CSGALNACT1: variants seen among roughly 807,000 people sequenced by gnomAD.
CSGALNACT1 encodes beta4GalNAcT-1.
CSGALNACT1 carries 52 observed loss-of-function variants against 51.0 expected under a neutral mutation model. The observed-to-expected ratio is 1.02, with a 90% CI of 0.82 to 1.29. The LOEUF (loss-of-function observed/expected upper bound fraction) is 1.29, where lower values mean the gene tolerates loss of function less well. Ranked by LOEUF, CSGALNACT1 falls within the 50% of genes most tolerant of loss-of-function variation. The pLI is 0.00. For synonymous variants in CSGALNACT1, 341 were observed against 254.4 expected (o/e 1.34, Z -3.24); for missense variants, 935 against 679.2 (o/e 1.38, Z -4.19).
intron 1 of CSGALNACT1, among the ~76,000 whole-genome samples, chr8:19,671,609 G>A (rs918062274): frequency 2.6e-5 from 4 of 152,016 alleles, no homozygotes; most frequent in South Asian, 2.1e-4. Flanking sequence ...CTGCCCTCCC[G>A]CAACTTATAT....
rs144593660 is a variant in CSGALNACT1, at chr8:19,520,475, C to G, written c.-296-14345G>C. On this transcript the variant is annotated intron_variant, in intron 3 of 9. Transcript: ENST00000454498. ...GGAGTCCCTCACTCCTGGCGCCTGCCGCCAATCCTATCTTGTAGTCAGCAA... is the reference window on the plus strand; with the variant it reads ...GGAGTCCCTCACTCCTGGCGCCTGCGGCCAATCCTATCTTGTAGTCAGCAA... Among the ~76,000 whole-genome samples, 542 of 152,320 alleles carry G rather than the reference C, an allele frequency of 3.6e-3. 2 individuals carry two copies. Among genetic ancestry groups the G allele is most frequent in the African/African-American group, 0.013 (520 of 41,562 alleles).
rs781134539 is a variant in CSGALNACT1, at chr8:19,405,669, A to G, written c.*111T>C. 2.6e-5 allele frequency: 35 copies of G among 1,356,378 alleles called. No individual in the cohort carries two copies. The African/African-American group carries it at 4.4e-4, about 17-fold the overall frequency. 84.0% of individuals were successfully genotyped at this position (1,356,378 alleles called of 1,614,324 possible). A position where few individuals can be genotyped will look rare whatever the true frequency, so the allele number is the denominator to read the frequency against. ...TCGGAGGCTTTCTCATCTCTGACCCATCAGTCCAATTCTTTTGTCGTCCTT... is the reference window on the plus strand; with the variant it reads ...TCGGAGGCTTTCTCATCTCTGACCCGTCAGTCCAATTCTTTTGTCGTCCTT... On this transcript the variant is annotated 3_prime_UTR_variant, in exon 10 of 10. Transcript: ENST00000454498.
At chr8:19,438,869 A>G (rs1009172780) in intron 6 of CSGALNACT1, among the ~76,000 whole-genome samples, 6 of 152,236 alleles carry the variant, frequency 3.9e-5, no homozygotes, top group African/African-American at 1.4e-4. Flanking sequence ...AAAGCATAAA[A>G]ATAAAAAGTA....
At chr8:19,444,344 C>T (rs547824205) in intron 5 of CSGALNACT1, among the ~76,000 whole-genome samples, 10 of 152,288 alleles carry the variant, frequency 6.6e-5, no homozygotes, top group East Asian at 5.8e-4. Context: ...TCAGTACAGA[C>T]GCAGCCATTC....
intron 3 of CSGALNACT1, among the ~76,000 whole-genome samples, chr8:19,550,598 T>C (rs1217770679): frequency 1.3e-5 from 2 of 152,198 alleles, no homozygotes; most frequent in Admixed American, 6.5e-5. Context: ...CATTCCTTCA[T>C]CTTGGTGACG....
chr8:19,670,650 CAAAAAA>C (rs752256046), intron 1 of CSGALNACT1, among the ~76,000 whole-genome samples: 1,800 of 92,854 alleles, frequency 0.019, 12 homozygotes, highest in Middle Eastern at 0.027. Context: ...CTACTGAAGA[CAAAAAA>C]AAAAAAAAAA....
At chr8:19,513,948 G>C (rs1302398844) in intron 3 of CSGALNACT1, among the ~76,000 whole-genome samples, 3 of 152,104 alleles carry the variant, frequency 2.0e-5, no homozygotes, top group African/African-American at 2.4e-5. Flanking sequence ...ACCTGAAAAT[G>C]AGCATAATAG....
At chr8:19,599,520 G>GAAAGAAAGAAAAGA (rs1554751495) in intron 2 of CSGALNACT1, among the ~76,000 whole-genome samples, 12 of 127,236 alleles carry the variant, frequency 9.4e-5, no homozygotes, top group African/African-American at 3.5e-4. Context: ...AAGAAAGAAA[G>GAAAGAAAGAAAAGA]AAAGAAAAGA....
chr8:19,430,707 A>C (rs1388890007), intron 6 of CSGALNACT1, among the ~76,000 whole-genome samples: 1 of 152,164 alleles, frequency 6.6e-6, no homozygotes, highest in Non-Finnish European at 1.5e-5. Flanking sequence ...TGAGTTTTAG[A>C]ATCAGCTTGT....
intron 1 of CSGALNACT1, among the ~76,000 whole-genome samples, chr8:19,747,243 G>C (rs1040139795): frequency 6.6e-6 from 1 of 150,518 alleles, no homozygotes; most frequent in Non-Finnish European, 1.5e-5. Flanking sequence ...TCAATGTCTT[G>C]AGTAGGAGAG....
chr8:19,566,769 G>C (rs1344371136), intron 3 of CSGALNACT1, among the ~76,000 whole-genome samples: 2 of 152,004 alleles, frequency 1.3e-5, no homozygotes, highest in Middle Eastern at 3.2e-3. Flanking sequence ...ACTCCTTCAG[G>C]GTTAAAGGGA....
At chr8:19,756,227 A>G (rs971349751) in intron 1 of CSGALNACT1, among the ~76,000 whole-genome samples, 1 of 147,836 alleles carries the variant, frequency 6.8e-6, no homozygotes, top group African/African-American at 2.5e-5. Flanking sequence ...TTTCCAGTTT[A>G]AAAAAAAAAA....
chr8:19,568,634 C>G lies in CSGALNACT1; in HGVS notation c.-297+22526G>C, dbSNP rs904621671. 3.3e-5 allele frequency among the ~76,000 whole-genome samples: 5 copies of G among 152,140 alleles called. No homozygotes were observed. In the East Asian group the frequency reaches 7.7e-4, roughly 23 times the overall value. On this transcript the variant is annotated intron_variant, in intron 3 of 9. Transcript: ENST00000454498. ...TATATAAAGAAAAATCTGCTGGAAT[C>G]TAAAGTCTAAAGTGGCAATATATAT... is the stretch of plus-strand genomic sequence containing the variant.
upstream of CSGALNACT1, among the ~76,000 whole-genome samples, chr8:19,605,874 T>C (rs999759371): frequency 1.3e-5 from 2 of 152,198 alleles, no homozygotes; most frequent in East Asian, 1.9e-4. Context: ...AATGAGTACA[T>C]TGAGATCAAT....
intron 1 of CSGALNACT1, among the ~76,000 whole-genome samples, chr8:19,626,981 G>A (rs947483920): frequency 1.3e-5 from 2 of 152,142 alleles, no homozygotes; most frequent in Non-Finnish European, 2.9e-5. Flanking sequence ...AACCACTAAC[G>A]GAAACAATTT....
intron 6 of CSGALNACT1, among the ~76,000 whole-genome samples, chr8:19,432,399 G>A (rs1022440500): frequency 6.6e-6 from 1 of 152,134 alleles, no homozygotes. Flanking sequence ...GTGATTATAA[G>A]TTTAATGTGG....
At chr8:19,427,839 G>A (rs536918753) in intron 6 of CSGALNACT1, among the ~76,000 whole-genome samples, 1 of 152,176 alleles carries the variant, frequency 6.6e-6, no homozygotes, top group South Asian at 2.1e-4. Flanking sequence ...ACCATGCCAA[G>A]CCCTCATGCA....
chr8:19,487,530 T>C (rs577444949), intron 4 of CSGALNACT1, among the ~76,000 whole-genome samples: 4 of 152,176 alleles, frequency 2.6e-5, no homozygotes, highest in East Asian at 1.9e-4. Flanking sequence ...ATTAACATAA[T>C]GGACAGAAAG....
chr8:19,604,914 CAAAA>C (rs576342135), upstream of CSGALNACT1, among the ~76,000 whole-genome samples: 8 of 64,452 alleles, frequency 1.2e-4, no homozygotes, highest in African/African-American at 3.5e-4. Context: ...GACTCTGTCT[CAAAA>C]AAAAAAAAAA....
Sources: allele counts gnomAD v4.1 joint callset (sites outside exome capture counted in the v4.1 genomes callset), GRCh38; gene constraint gnomAD v4.1.1; transcripts MANE v1.5; gene names NCBI Gene and HGNC (gene_info 2026-07-23, HGNC 2026-07-21).